Variants in NDUFV3 observed in about 807,000 individuals in gnomAD.
The protein encoded by NDUFV3 is NADH dehydrogenase [ubiquinone] flavoprotein 3, mitochondrial.
NDUFV3 carries 44 observed loss-of-function variants against 37.5 expected under a neutral mutation model. The observed-to-expected ratio is 1.17, with a 90% CI of 0.92 to 1.51. NDUFV3 has a LOEUF of 1.51. Ranked by LOEUF, NDUFV3 falls within the 40% of genes most tolerant of loss-of-function variation. The pLI is 0.00. For synonymous variants in NDUFV3, 235 were observed against 239.3 expected (o/e 0.98, Z 0.17); for missense variants, 580 against 580.4 (o/e 1.00, Z 0.01).
At chr21:42,897,194 A>G (rs1469867592) in intron 2 of NDUFV3, 147 bp downstream of exon 2, 1 of 914,654 alleles carries the variant, frequency 1.1e-6, no homozygotes, top group African/African-American at 1.7e-5. Flanking sequence ...AAGACACAAG[A>G]TCTATAACAG....
chr21:42,894,384 TAAATATATA>T lies in NDUFV3; in HGVS notation c.48+1004_48+1012del, dbSNP rs2058675419. On this transcript the variant is annotated intron_variant, in intron 1 of 3. Coordinates refer to ENST00000354250, the MANE Select transcript of NDUFV3 (RefSeq NM_021075.4). ...ATTATATATATATTTATATAATATGTAAATATATATTATATATTTATATAATATATAATA... is the reference window on the plus strand; with the variant it reads ...ATTATATATATATTTATATAATATGTTTATATATTTATATAATATATAATA... Among the ~76,000 whole-genome samples the T allele has an allele frequency of 6.6e-5, 2 of 30,240 alleles. 1 individual carries two copies. The highest frequency in any genetic ancestry group is 1.1e-4 in the Non-Finnish European group (2 of 18,916). 19.8% of individuals were successfully genotyped at this position (30,240 alleles called of 152,430 possible).
chr21:42,907,006 GGA>G (rs2058745064), intron 3 of NDUFV3: 1 of 415,458 alleles, frequency 2.4e-6, no homozygotes, highest in Non-Finnish European at 4.8e-6. Flanking sequence ...ATTTTTTTGT[GGA>G]GCATGAATGG....
At position 42,893,456 on chromosome 21, in the gene NDUFV3, CT is replaced by C. The variant is rs565837883; in HGVS notation, c.48+76del. The C allele has an allele frequency of 6.8e-4, 1,022 of 1,498,362 alleles. 3 individuals carry two copies. In the African/African-American group the frequency reaches 0.01, roughly 15 times the overall value. 92.8% of individuals were successfully genotyped at this position (1,498,362 alleles called of 1,614,324 possible). ...GGGGATGGGGTGAGGGGGCGCGGTGCTGGTCAGGTCCGGGCCTGTCCGCGAC... is the reference window on the plus strand; with the variant it reads ...GGGGATGGGGTGAGGGGGCGCGGTGCGGTCAGGTCCGGGCCTGTCCGCGAC... On this transcript the variant is annotated intron_variant, in intron 1 of 3. Coordinates refer to ENST00000354250, the MANE Select transcript of NDUFV3 (RefSeq NM_021075.4).
At chr21:42,904,591 C>G (rs909477030) in intron 3 of NDUFV3, among the ~76,000 whole-genome samples, 1 of 151,180 alleles carries the variant, frequency 6.6e-6, no homozygotes, top group Non-Finnish European at 1.5e-5. Context: ...CAAGCACTTC[C>G]CCTGCCTCAG....
intron 3 of NDUFV3, among the ~76,000 whole-genome samples, chr21:42,908,358 T>A (rs1202644707): frequency 1.3e-5 from 2 of 152,204 alleles, no homozygotes; most frequent in Non-Finnish European, 2.9e-5. Flanking sequence ...ATTGGAAGGC[T>A]GTATGTTTTA....
intron 2 of NDUFV3, among the ~76,000 whole-genome samples, chr21:42,900,332 G>A (rs1271562597): frequency 6.6e-6 from 1 of 151,802 alleles, no homozygotes; most frequent in Non-Finnish European, 1.5e-5. Flanking sequence ...TGAAACCCCT[G>A]TCTCTACTAA....
intron 3 of NDUFV3, among the ~76,000 whole-genome samples, chr21:42,906,638 G>T (rs1336642064): frequency 6.6e-6 from 1 of 152,230 alleles, no homozygotes; most frequent in African/African-American, 2.4e-5. Context: ...CGGGTGTGTT[G>T]TTTCTTAACT....
intron 2 of NDUFV3, among the ~76,000 whole-genome samples, chr21:42,898,348 T>C (rs1174672035): frequency 6.6e-6 from 1 of 152,178 alleles, no homozygotes; most frequent in African/African-American, 2.4e-5. Context: ...AGTGGCACAG[T>C]CATAGCTCAC....
chr21:42,895,214 A>G (rs1280642982), intron 1 of NDUFV3, among the ~76,000 whole-genome samples: 1 of 151,956 alleles, frequency 6.6e-6, no homozygotes, highest in Non-Finnish European at 1.5e-5. Flanking sequence ...CAAGCGCGGT[A>G]GCTCACACCT....
intron 1 of NDUFV3, among the ~76,000 whole-genome samples, chr21:42,894,400 ATTTATAT>A (rs2058676234): frequency 4.2e-5 from 1 of 23,884 alleles, no homozygotes; most frequent in Non-Finnish European, 7.0e-5. Context: ...TATATTATAT[ATTTATAT>A]AATATATAAT....
chr21:42,906,826 G>A (rs185115658), intron 3 of NDUFV3: 70 of 517,086 alleles, frequency 1.4e-4, no homozygotes, highest in South Asian at 8.2e-4. Context: ...AAAATAGTAC[G>A]TTCTGCTTTG....
chr21:42,895,358 T>C (rs1010546559), intron 1 of NDUFV3, among the ~76,000 whole-genome samples: 2 of 152,162 alleles, frequency 1.3e-5, no homozygotes, highest in Non-Finnish European at 2.9e-5. Context: ...GATGCATGCC[T>C]GTAATCCCAG....
chr21:42,893,822 A>G lies in NDUFV3; in HGVS notation c.48+441A>G, dbSNP rs112990061. ...TGAGGGAACTTTCAGGGACCTGGTT[A>G]ACTTGGTAACTTACTGACAGCCGTT... On this transcript the variant is annotated intron_variant, in intron 1 of 3. Transcript: ENST00000354250. Among the ~76,000 whole-genome samples, 340 of 152,350 alleles carry G rather than the reference A, an allele frequency of 2.2e-3. 3 individuals carry two copies. Among genetic ancestry groups the G allele is most frequent in the African/African-American group, 7.6e-3 (316 of 41,580 alleles).
chr21:42,897,086 A>G, intron 2 of NDUFV3, 39 bp downstream of exon 2: 2 of 1,610,726 alleles, frequency 1.2e-6, no homozygotes, highest in Non-Finnish European at 1.7e-6. Flanking sequence ...AAGAGAATGC[A>G]AAAAGAAAAT....
At chr21:42,907,950 A>G (rs17113549) in intron 3 of NDUFV3, among the ~76,000 whole-genome samples, 8,561 of 152,126 alleles carry the variant, frequency 0.056, 351 homozygotes, top group Non-Finnish European at 0.088. Context: ...AAGTCCTGCT[A>G]TAATTGTTCT....
intron 1 of NDUFV3, among the ~76,000 whole-genome samples, chr21:42,896,170 T>C (rs1435739359): frequency 6.9e-6 from 1 of 144,066 alleles, no homozygotes; most frequent in Non-Finnish European, 1.5e-5. Flanking sequence ...TTTTTTTTTT[T>C]TTTTGCGACA....
rs2058759338 is a variant in NDUFV3 at position 42,909,432 on chromosome 21, G to A, written c.*411G>A. The A allele has an allele frequency of 3.8e-6, 1 of 264,254 alleles. No individual in the cohort carries two copies. Among genetic ancestry groups the A allele is most frequent in the African/African-American group, 2.2e-5 (1 of 44,890 alleles). 16.4% of individuals were successfully genotyped at this position (264,254 alleles called of 1,614,324 possible). On this transcript the variant is annotated 3_prime_UTR_variant, in exon 4 of 4. Coordinates refer to ENST00000354250, the MANE Select transcript of NDUFV3 (RefSeq NM_021075.4). ...GCTGGGATTACAGGCGTGAGCCACT[G>A]CGCCCGGCCACTTTCACACTTTTTA... is the stretch of plus-strand genomic sequence containing the variant.
intron 2 of NDUFV3, among the ~76,000 whole-genome samples, chr21:42,900,756 CAG>C (rs1194062076): frequency 2.0e-5 from 3 of 152,204 alleles, no homozygotes; most frequent in Non-Finnish European, 4.4e-5. Flanking sequence ...CATCTCTAGT[CAG>C]AGTGTCTGCC....
Position 42,910,661 on chromosome 21 carries a change from G to T in NDUFV3, c.*1640G>T, listed in dbSNP as rs954766024. 1 of 155,686 alleles carries T rather than the reference G, an allele frequency of 6.4e-6. No homozygotes were observed. The highest frequency in any genetic ancestry group is 2.5e-5 in the African/African-American group (1 of 39,924). The allele number at this position is 155,686 out of a possible 1,614,324, so 9.6% of individuals were successfully genotyped here. ...GTGAAGTTTCGTGCGGTGCAGGGACGGAGTAGGAAGAGGTGAAGTTTCGTG... is the reference window on the plus strand; with the variant it reads ...GTGAAGTTTCGTGCGGTGCAGGGACTGAGTAGGAAGAGGTGAAGTTTCGTG... On this transcript the variant is annotated 3_prime_UTR_variant, in exon 4 of 4. Transcript: ENST00000354250.
Sources: gnomAD v4.1 joint callset for allele counts (sites outside exome capture counted in the v4.1 genomes callset) on GRCh38, gnomAD v4.1.1 for gene constraint, MANE v1.5 for transcripts, NCBI Gene and HGNC (gene_info 2026-07-23, HGNC 2026-07-21) for gene names.